The following ARMC6 variants were observed in gnomAD, a reference collection of about 807,000 sequenced individuals.
ARMC6 encodes the protein armadillo repeat-containing protein 6.
In ARMC6, 43 loss-of-function variants were observed where a neutral mutation model predicts 49.2. That is an observed-to-expected ratio of 0.87 (90% CI 0.69 to 1.13). The LOEUF is 1.13. Ranked by LOEUF, ARMC6 falls within the 50% of genes most tolerant of loss-of-function variation. The pLI is 0.00. For synonymous variants in ARMC6, 262 were observed against 289.6 expected (o/e 0.90, Z 0.97); for missense variants, 627 against 682.0 (o/e 0.92, Z 0.90).
At chr19:19,045,842 G>A (rs963028627) in intron 4 of ARMC6, among the ~76,000 whole-genome samples, 30 of 152,026 alleles carry the variant, frequency 2.0e-4, no homozygotes, top group African/African-American at 7.0e-4. Flanking sequence ...TAGTAGAGAC[G>A]AGGTTTCACC....
rs544723649 is a variant in ARMC6 at position 19,055,617 on chromosome 19, T to C, written c.1156-174T>C. 1.7e-3 allele frequency among the ~76,000 whole-genome samples: 254 copies of C among 152,330 alleles called. 1 individual carries two copies. In the Middle Eastern group the frequency reaches 0.027, roughly 16 times the overall value. On this transcript the variant is annotated intron_variant, in intron 7 of 8. Coordinates refer to ENST00000535612, the MANE Select transcript of ARMC6 (RefSeq NM_001199196.2). The surrounding 1 kb of genome is among the most constrained non-coding windows in gnomAD (Gnocchi z 5.7). ...GATCTGACCAGGCCTATTGCCCTTGTCACCCCTAAGAGCTGAGCTGATATT... is the reference window on the plus strand; with the variant it reads ...GATCTGACCAGGCCTATTGCCCTTGCCACCCCTAAGAGCTGAGCTGATATT...
chr19:19,037,592 C>T, intron 2 of ARMC6: 1 of 1,213,070 alleles, frequency 8.2e-7, no homozygotes, highest in Non-Finnish European at 1.1e-6. Flanking sequence ...TCTCAAACTC[C>T]TGGCCTCATG....
At chr19:19,035,735 A>G (rs2059359907) in intron 2 of ARMC6, among the ~76,000 whole-genome samples, 1 of 150,142 alleles carries the variant, frequency 6.7e-6, no homozygotes, top group Non-Finnish European at 1.5e-5. Context: ...CAGAGGACTG[A>G]GAATCCGAAG....
At chr19:19,047,912 C>T (rs1035485648) in intron 4 of ARMC6, among the ~76,000 whole-genome samples, 2 of 152,292 alleles carry the variant, frequency 1.3e-5, no homozygotes, top group South Asian at 2.1e-4. Context: ...GTCATAGACA[C>T]ATTTAAAGAT....
chr19:19,040,325 C>A (rs970037886), intron 2 of ARMC6, among the ~76,000 whole-genome samples: 1 of 152,190 alleles, frequency 6.6e-6, no homozygotes, highest in Admixed American at 6.6e-5. Context: ...CTGTTTCTCT[C>A]CTGTCACAGC....
intron 2 of ARMC6, among the ~76,000 whole-genome samples, chr19:19,037,996 C>T (rs958302098): frequency 2.0e-5 from 3 of 152,178 alleles, no homozygotes; most frequent in Non-Finnish European, 4.4e-5. Flanking sequence ...AGCAACTCCC[C>T]ATCACTTGCA....
intron 2 of ARMC6, 78 bp downstream of exon 2, chr19:19,034,316 CTG>C: frequency 6.6e-7 from 1 of 1,523,564 alleles, no homozygotes; most frequent in Non-Finnish European, 8.8e-7. Context: ...GTTTTGAAGG[CTG>C]TCTCTTGAGT....
chr19:19,046,357 C>T (rs765519867), intron 4 of ARMC6, among the ~76,000 whole-genome samples: 4 of 151,922 alleles, frequency 2.6e-5, no homozygotes, highest in Non-Finnish European at 5.9e-5. Context: ...CCATGACGCC[C>T]GGCTAATTTT....
At chr19:19,040,829 T>G in intron 2 of ARMC6, 1 of 420,478 alleles carries the variant, frequency 2.4e-6, no homozygotes, top group Non-Finnish European at 4.7e-6. Flanking sequence ...TTGATTTTGA[T>G]ATGTACTGGA....
At chr19:19,033,970 T>G (rs2059303174) in intron 1 of ARMC6, 40 bp downstream of exon 1, 4 of 492,414 alleles carry the variant, frequency 8.1e-6, no homozygotes, top group South Asian at 2.3e-5. Flanking sequence ...CCGCGCGGAG[T>G]GGGGAGTGGG....
At chr19:19,047,662 C>T (rs2059462110) in intron 4 of ARMC6, among the ~76,000 whole-genome samples, 1 of 152,178 alleles carries the variant, frequency 6.6e-6, no homozygotes, top group Non-Finnish European at 1.5e-5. Context: ...TGCATTTTAG[C>T]AACCATCTGT....
At chr19:19,046,449 G>T (rs28416794) in intron 4 of ARMC6, among the ~76,000 whole-genome samples, 1 of 151,636 alleles carries the variant, frequency 6.6e-6, no homozygotes, top group Non-Finnish European at 1.5e-5. Context: ...CGCCTGCCTC[G>T]GCCTCCCAAA....
chr19:19,052,140 C>G lies in ARMC6; in HGVS notation c.798C>G (p.Ala266=), dbSNP rs779512151. Reference sequence around the variant, plus strand: ...CCTTTGGCCATGCCCACAACCATGCCAAGATGATTGTGCAGGAGAACAAAG... The same window carrying G: ...CCTTTGGCCATGCCCACAACCATGCGAAGATGATTGTGCAGGAGAACAAAG... ...RVPFGHAHNH[A]KMIVQENKGL... Residue 266 remains alanine (A), a synonymous_variant, in exon 5 of 9, where the codon GCC becomes GCG. Transcript: ENST00000535612. 6.2e-7 allele frequency: 1 copy of G among 1,613,506 alleles called. No homozygotes were observed. The highest frequency in any genetic ancestry group is 1.1e-5 in the South Asian group (1 of 91,040).
intron 4 of ARMC6, among the ~76,000 whole-genome samples, chr19:19,046,677 T>C (rs1461776200): frequency 6.6e-6 from 1 of 151,406 alleles, no homozygotes; most frequent in Non-Finnish European, 1.5e-5. Flanking sequence ...GTATTTTTAG[T>C]AGAGATGGGA....
At position 19,042,999 on chromosome 19, in the gene ARMC6, G is replaced by T; in HGVS notation, c.196+122G>T. On this transcript the variant is annotated intron_variant, in intron 3 of 8. Coordinates refer to ENST00000535612, the MANE Select transcript of ARMC6 (RefSeq NM_001199196.2). ...CTGGCATAGAAACCAGGTGCCATTG[G>T]GCCCTGTCCCCTCCAGCTTCTGCCC... 17 of 1,251,382 alleles carry T rather than the reference G, an allele frequency of 1.4e-5. No individual in the cohort carries two copies. In the South Asian group the frequency reaches 2.4e-4, roughly 17 times the overall value. The allele number at this position is 1,251,382 out of a possible 1,614,324, so 77.5% of individuals were successfully genotyped here.
At position 19,034,362 on chromosome 19, in the gene ARMC6, C is replaced by T. The variant is rs1048118283; in HGVS notation, c.29+124C>T. 8.1e-6 allele frequency: 10 copies of T among 1,233,764 alleles called. No homozygotes were observed. In the African/African-American group the frequency reaches 9.0e-5, roughly 11 times the overall value. The allele number at this position is 1,233,764 out of a possible 1,614,324, so 76.4% of individuals were successfully genotyped here. On this transcript the variant is annotated intron_variant, in intron 2 of 8. Transcript: ENST00000535612. Reference sequence around the variant, plus strand: ...GGATGAGAAAGGCGGGGAAGAGGAACTTGGAAGGCTTAGATAGAGAAGGTG... The same window carrying T: ...GGATGAGAAAGGCGGGGAAGAGGAATTTGGAAGGCTTAGATAGAGAAGGTG...
chr19:19,056,761 C>T (rs1256094448), intron 8 of ARMC6, among the ~76,000 whole-genome samples: 1 of 152,166 alleles, frequency 6.6e-6, no homozygotes, highest in Non-Finnish European at 1.5e-5. Context: ...GCCCTCCTCG[C>T]CTCCTCACTC....
At position 19,051,828 on chromosome 19, in the gene ARMC6, G is replaced by T; in HGVS notation, c.486G>T (p.Leu162=). The change falls in exon 5 of 9, where the codon CTG becomes CTT. Residue 162 remains leucine, a synonymous_variant. Coordinates refer to ENST00000535612, the MANE Select transcript of ARMC6 (RefSeq NM_001199196.2). ...QGLLLQSLNA[L]SVLTDGQPDL... Reference sequence around the variant, plus strand: ...TTCTGCTCCAGTCCCTCAATGCCCTGTCGGTGCTGACTGATGGACAGCCAG... The same window carrying T: ...TTCTGCTCCAGTCCCTCAATGCCCTTTCGGTGCTGACTGATGGACAGCCAG... 1 of 1,614,100 alleles carries T rather than the reference G, an allele frequency of 6.2e-7. No homozygotes were observed. Among genetic ancestry groups the T allele is most frequent in the Non-Finnish European group, 8.5e-7 (1 of 1,180,022 alleles).
rs1283172086 is a variant in ARMC6, at chr19:19,055,984, G to A, written c.1293+56G>A. ...GCTGGTGTGGGATGTGCAGGTAGGT[G>A]CAGAGAGGGCATGGGAGCAGGTGCG... On this transcript the variant is annotated intron_variant, in intron 8 of 8. Transcript: ENST00000535612. The surrounding 1 kb of genome is among the most constrained non-coding windows in gnomAD (Gnocchi z 5.7). 1.3e-6 allele frequency: 2 copies of A among 1,557,946 alleles called. No individual in the cohort carries two copies. Among genetic ancestry groups the A allele is most frequent in the South Asian group, 1.2e-5 (1 of 86,662 alleles).
Sources: gnomAD v4.1 joint callset for allele counts (sites outside exome capture counted in the v4.1 genomes callset) on GRCh38, gnomAD v4.1.1 for gene constraint, Gnocchi (gnomAD v3.1) non-coding constraint, MANE v1.5 for transcripts, NCBI Gene and HGNC (gene_info 2026-07-23, HGNC 2026-07-21) for gene names.